SNTG2: variants seen among roughly 807,000 people sequenced by gnomAD.
The protein encoded by SNTG2 is gamma-2-syntrophin.
SNTG2 carries 74 observed loss-of-function variants against 70.9 expected under a neutral mutation model. The ratio of observed to expected loss-of-function variants is 1.04; its 90% CI spans 0.86 to 1.27. The LOEUF is 1.27. SNTG2 is among the 50% of genes most tolerant of loss of function. The pLI, the probability that SNTG2 is intolerant of heterozygous loss-of-function variation, is 0.00. For missense variants in SNTG2, 717 were observed against 690.7 expected (o/e 1.04, Z -0.43); for synonymous variants, 278 against 273.8 (o/e 1.02, Z -0.15).
intron 1 of SNTG2, among the ~76,000 whole-genome samples, chr2:980,892 G>A (rs1661075759): frequency 6.6e-6 from 1 of 152,112 alleles, no homozygotes; most frequent in African/African-American, 2.4e-5. Context: ...AGATACCTAG[G>A]ACCTCGTAAA....
intron 15 of SNTG2, among the ~76,000 whole-genome samples, chr2:1,314,534 G>T (rs938420931): frequency 1.3e-5 from 2 of 152,204 alleles, no homozygotes; most frequent in Non-Finnish European, 2.9e-5. Context: ...CTCCCTCACT[G>T]GGACAGGCCC....
intron 1 of SNTG2, among the ~76,000 whole-genome samples, chr2:988,977 A>G (rs991468244): frequency 6.6e-6 from 1 of 152,172 alleles, no homozygotes; most frequent in African/African-American, 2.4e-5. Context: ...TTATGACTAA[A>G]TGTTCATATA....
At chr2:952,516 C>T (rs1660008587) in intron 1 of SNTG2, among the ~76,000 whole-genome samples, 1 of 152,240 alleles carries the variant, frequency 6.6e-6, no homozygotes. Context: ...CCTTTGCGCT[C>T]AGTATTAATT....
chr2:1,264,673 T>C (rs973986164), intron 13 of SNTG2, among the ~76,000 whole-genome samples: 1 of 151,958 alleles, frequency 6.6e-6, no homozygotes, highest in African/African-American at 2.4e-5. Context: ...AAGTATATCT[T>C]CTCTTCCCTG....
chr2:1,030,446 T>C (rs941105899), intron 1 of SNTG2, among the ~76,000 whole-genome samples: 9 of 152,104 alleles, frequency 5.9e-5, no homozygotes, highest in African/African-American at 1.2e-4. Flanking sequence ...ACATGGATGG[T>C]ACAAACACAC....
intron 9 of SNTG2, among the ~76,000 whole-genome samples, chr2:1,235,595 C>T (rs34888233): frequency 0.041 from 4,892 of 119,548 alleles, 103 homozygotes; most frequent in South Asian, 0.068. Context: ...CCCTGCCCCA[C>T]GCTGCCCTGA....
chr2:982,985 G>A (rs1342099049), intron 1 of SNTG2, among the ~76,000 whole-genome samples: 1 of 152,068 alleles, frequency 6.6e-6, no homozygotes, highest in Admixed American at 6.6e-5. Flanking sequence ...AGCAGAAGCT[G>A]CAGGGGTGGT....
At chr2:1,022,222 C>G (rs139074251) in intron 1 of SNTG2, among the ~76,000 whole-genome samples, 1 of 152,146 alleles carries the variant, frequency 6.6e-6, no homozygotes, top group Non-Finnish European at 1.5e-5. Context: ...TCTTGCAAGT[C>G]CCTGATTTCC....
chr2:1,044,131 GC>G (rs1048115871), intron 1 of SNTG2, among the ~76,000 whole-genome samples: 2 of 151,716 alleles, frequency 1.3e-5, no homozygotes, highest in South Asian at 2.1e-4. Context: ...CACCACCGCT[GC>G]CCCCCCACCC....
rs562495599 is a variant in SNTG2 at position 1,226,315 on chromosome 2, A to G, written c.720-11573A>G. Among the ~76,000 whole-genome samples the G allele has an allele frequency of 1.1e-4, 16 of 152,342 alleles. No homozygotes were observed. The South Asian group carries it at 1.4e-3, about 14-fold the overall frequency. ...ACAATGTGTGTTTCTCAAAAACGGG[A>G]TGATTGCTCAGAATGTTCTCCATGT... On this transcript the variant is annotated intron_variant, in intron 9 of 16. Transcript: ENST00000308624.
chr2:1,191,009 A>AC (rs1331065202), intron 8 of SNTG2, among the ~76,000 whole-genome samples: 1 of 152,216 alleles, frequency 6.6e-6, no homozygotes, highest in Non-Finnish European at 1.5e-5. Flanking sequence ...CTTCAGAGAC[A>AC]TGCAGCAAAA....
intron 6 of SNTG2, among the ~76,000 whole-genome samples, chr2:1,145,817 CA>C (rs2147789254): frequency 6.6e-6 from 1 of 152,174 alleles, no homozygotes; most frequent in African/African-American, 2.4e-5. Flanking sequence ...AAAATATTAG[CA>C]AATGGAATTC....
chr2:999,730 A>G (rs904110650), intron 1 of SNTG2, among the ~76,000 whole-genome samples: 5 of 152,000 alleles, frequency 3.3e-5, no homozygotes, highest in Non-Finnish European at 5.9e-5. Flanking sequence ...AATCATTGAG[A>G]TTGAAAATCA....
chr2:1,006,319 AAG>A (rs1203223934), intron 1 of SNTG2, among the ~76,000 whole-genome samples: 3 of 152,080 alleles, frequency 2.0e-5, no homozygotes, highest in African/African-American at 7.2e-5. Flanking sequence ...AATTAAAAAA[AAG>A]AAAAAAAATG....
intron 9 of SNTG2, among the ~76,000 whole-genome samples, chr2:1,236,992 G>A (rs1676703142): frequency 6.6e-6 from 1 of 151,126 alleles, no homozygotes; most frequent in South Asian, 2.1e-4. Flanking sequence ...GCCCAGGCTG[G>A]AGTGCAGTGG....
At position 1,137,518 on chromosome 2, in the gene SNTG2, G is replaced by A. The variant is rs1432027819; in HGVS notation, c.326-104G>A. 36 of 1,001,898 alleles carry A rather than the reference G, an allele frequency of 3.6e-5. No homozygotes were observed. The African/African-American group carries it at 4.1e-4, about 11-fold the overall frequency. The allele number at this position is 1,001,898 out of a possible 1,614,324, so 62.1% of individuals were successfully genotyped here. A position where few individuals can be genotyped will look rare whatever the true frequency, so the allele number is the denominator to read the frequency against. On this transcript the variant is annotated intron_variant, in intron 4 of 16. Coordinates refer to ENST00000308624, the MANE Select transcript of SNTG2 (RefSeq NM_018968.4). ...TGGACACATGCACACACACACACAC[G>A]TGGCCACTTCAGCTACTGCAAGCCC...
chr2:1,066,814 G>A (rs62105942), intron 1 of SNTG2, among the ~76,000 whole-genome samples: 5,173 of 152,144 alleles, frequency 0.034, 182 homozygotes, highest in South Asian at 0.15. Flanking sequence ...TAGAACGGTC[G>A]TCTTTGAGTT....
At chr2:1,221,495 C>G (rs1291571593) in intron 9 of SNTG2, among the ~76,000 whole-genome samples, 241 of 19,210 alleles carry the variant, frequency 0.013, 17 homozygotes, top group Non-Finnish European at 0.017. Flanking sequence ...CTCTGTCTCT[C>G]TCTGTCTCTC....
In SNTG2 at chr2:1,308,371, G is replaced by A. The variant is rs139684209; in HGVS notation, c.1285-123G>A. 603 of 838,408 alleles carry A rather than the reference G, an allele frequency of 7.2e-4. 1 individual carries two copies. The African/African-American group carries it at 8.1e-3, about 11-fold the overall frequency. The allele number at this position is 838,408 out of a possible 1,614,324, so 51.9% of individuals were successfully genotyped here. On this transcript the variant is annotated intron_variant, in intron 14 of 16. Transcript: ENST00000308624. The stretch of plus-strand genomic sequence containing the variant: ...CCTGCATCCTCCTGTTTTGTTCCCC[G>A]TAACTTGCATATGAGAGCATTTTAT...
Sources: gnomAD v4.1 joint callset for allele counts (sites outside exome capture counted in the v4.1 genomes callset) on GRCh38, gnomAD v4.1.1 for gene constraint, MANE v1.5 for transcripts, NCBI Gene and HGNC (gene_info 2026-07-23, HGNC 2026-07-21) for gene names.